AFF1: variants seen among roughly 807,000 people sequenced by gnomAD.
The protein encoded by AFF1 is AF4/FMR2 family member 1.
Under a neutral mutation model 121.7 loss-of-function variants are expected in AFF1, and 48 were observed. That is an observed-to-expected ratio of 0.39 (90% CI 0.31 to 0.50). AFF1 has a LOEUF of 0.50. AFF1 is among the 20% of genes least tolerant of loss of function. The probability of loss-of-function intolerance (pLI) is 0.76; values close to 1 mark genes in which losing one functional copy is unlikely to be tolerated. For missense variants in AFF1, 1,523 were observed against 1,511.7 expected (o/e 1.01, Z -0.12); for synonymous variants, 613 against 563.0 (o/e 1.09, Z -1.26).
intron 8 of AFF1, among the ~76,000 whole-genome samples, chr4:87,104,896 T>C (rs1224786172): frequency 6.6e-6 from 1 of 151,826 alleles, no homozygotes; most frequent in African/African-American, 2.4e-5. Context: ...ACAATAGCAA[T>C]AAGGTTAAAC....
chr4:87,138,041 T>TC lies in AFF1; in HGVS notation c.*2341dup, dbSNP rs549119637. 9.8e-4 allele frequency: 225 copies of TC among 229,660 alleles called. No individual in the cohort carries two copies. Among genetic ancestry groups the TC allele is most frequent in the South Asian group, 6.2e-3 (34 of 5,448 alleles). The allele number at this position is 229,660 out of a possible 1,614,324, so 14.2% of individuals were successfully genotyped here. A position where few individuals can be genotyped will look rare whatever the true frequency, so the allele number is the denominator to read the frequency against. ...TACTCTTTGTGGGTTTTTTTTTTTT[T>TC]CTCTGAACTTGATATAAAGATTTTA... On this transcript the variant is annotated 3_prime_UTR_variant, in exon 21 of 21. Transcript: ENST00000395146.
chr4:87,108,432 G>A, intron 11 of AFF1, 117 bp downstream of exon 11: 3 of 1,137,376 alleles, frequency 2.6e-6, no homozygotes, highest in South Asian at 3.1e-5. Context: ...GTCCCATGGG[G>A]CAATGCTTTC....
At chr4:86,976,944 T>C (rs2149485946) in intron 2 of AFF1, among the ~76,000 whole-genome samples, 1 of 152,330 alleles carries the variant, frequency 6.6e-6, no homozygotes, top group South Asian at 2.1e-4. Flanking sequence ...AGTAACTTAA[T>C]ACTTAGGAAA....
At chr4:87,056,516 G>A (rs1042542639) in intron 4 of AFF1, among the ~76,000 whole-genome samples, 2 of 152,156 alleles carry the variant, frequency 1.3e-5, no homozygotes, top group Non-Finnish European at 2.9e-5. Context: ...TAGAATGTAT[G>A]TTACTTCCAA....
chr4:87,090,298 G>A (rs1405990678), intron 6 of AFF1, among the ~76,000 whole-genome samples: 1 of 152,206 alleles, frequency 6.6e-6, no homozygotes, highest in Non-Finnish European at 1.5e-5. Context: ...AAAGCATTCA[G>A]GATTTTCCAA....
chr4:86,969,577 T>A (rs1380620773), intron 2 of AFF1, among the ~76,000 whole-genome samples: 1 of 145,698 alleles, frequency 6.9e-6, no homozygotes, highest in Non-Finnish European at 1.5e-5. Context: ...AAATAGTTGT[T>A]AAAAAAAAAA....
chr4:87,132,205 G>T, intron 18 of AFF1, 66 bp from the exon 19 acceptor site: 1 of 1,567,000 alleles, frequency 6.4e-7, no homozygotes, highest in Non-Finnish European at 8.6e-7. Flanking sequence ...GGCTATAAAA[G>T]GTTAGATGGC....
intron 2 of AFF1, among the ~76,000 whole-genome samples, chr4:86,993,371 A>G (rs1280809008): frequency 6.6e-6 from 1 of 152,224 alleles, no homozygotes; most frequent in Non-Finnish European, 1.5e-5. Flanking sequence ...TCTCCCACAA[A>G]TGAGGAAAAC....
In AFF1 at chr4:86,988,949, A is replaced by G. The variant is rs144392286; in HGVS notation, c.38+40378A>G. Among the ~76,000 whole-genome samples the G allele has an allele frequency of 8.7e-3, 1,321 of 152,312 alleles. 24 individuals carry two copies. Among genetic ancestry groups the G allele is most frequent in the African/African-American group, 0.031 (1,271 of 41,558 alleles). On this transcript the variant is annotated intron_variant, in intron 2 of 20. Transcript: ENST00000395146. ...ACAAGCAATGGGGAAAGGATTCCCT[A>G]TTTAATAAATGGTTTGGGAAAACTG...
chr4:87,118,648 C>T (rs2149777941), intron 12 of AFF1, among the ~76,000 whole-genome samples: 1 of 152,112 alleles, frequency 6.6e-6, no homozygotes, highest in East Asian at 1.9e-4. Context: ...TGCCACTGTA[C>T]CCAGCTAATT....
intron 4 of AFF1, among the ~76,000 whole-genome samples, chr4:87,071,910 C>G (rs769756971): frequency 8.5e-5 from 13 of 152,100 alleles, no homozygotes; most frequent in Non-Finnish European, 1.3e-4. Context: ...CCTCAAAACA[C>G]TGAAAAGATT....
intron 2 of AFF1, among the ~76,000 whole-genome samples, chr4:86,982,767 G>C (rs1246809709): frequency 6.9e-6 from 1 of 144,958 alleles, no homozygotes; most frequent in Non-Finnish European, 1.5e-5. Context: ...AGAATCGCTT[G>C]AACCCAGGAG....
chr4:87,064,206 T>C (rs1461545303), intron 4 of AFF1, among the ~76,000 whole-genome samples: 1 of 152,228 alleles, frequency 6.6e-6, no homozygotes, highest in African/African-American at 2.4e-5. Context: ...AGTACTGAAC[T>C]GAACACTGAT....
At chr4:86,995,601 C>G (rs1329711702) in intron 2 of AFF1, among the ~76,000 whole-genome samples, 18 of 151,292 alleles carry the variant, frequency 1.2e-4, no homozygotes, top group Admixed American at 3.3e-4. Context: ...GACGGAGTCT[C>G]CTTCACTCAG....
Position 87,114,764 on chromosome 4 carries a change from A to G in AFF1, c.1931A>G (p.Gln644Arg), listed in dbSNP as rs1203594396. Residue 644 changes from glutamine to arginine, a missense_variant, in exon 12 of 21, where the codon CAG becomes CGG. Physicochemically the swap from Gln to Arg is conservative, Grantham distance 43. Coordinates refer to ENST00000395146, the MANE Select transcript of AFF1 (RefSeq NM_001166693.3). ...CTTCTTCCCTATGGCTCCCGAGACC[A>G]GACTTCCAAAGACAAGCCCAAGGTG... ...PGLLPYGSRD[Q>R]TSKDKPKVKT... 1 of 1,613,240 alleles carries G rather than the reference A, an allele frequency of 6.2e-7. No homozygotes were observed. The highest frequency in any genetic ancestry group is 1.3e-5 in the African/African-American group (1 of 74,898).
chr4:86,937,440 G>A (rs962954912), intron 1 of AFF1, among the ~76,000 whole-genome samples: 45 of 152,062 alleles, frequency 3.0e-4, no homozygotes, highest in African/African-American at 1.1e-3. Context: ...TTTCCTCTCC[G>A]GTTTAACTGA....
intron 10 of AFF1, 95 bp from the exon 11 acceptor site, chr4:87,108,064 C>G: frequency 1.4e-6 from 2 of 1,406,382 alleles, no homozygotes; most frequent in Non-Finnish European, 1.9e-6. Context: ...AATACCAAGG[C>G]CCGCCCTTTT....
intron 2 of AFF1, among the ~76,000 whole-genome samples, chr4:87,013,728 TAAAA>T (rs1727031164): frequency 6.7e-6 from 1 of 150,114 alleles, no homozygotes; most frequent in Non-Finnish European, 1.5e-5. Context: ...AAATAAAAAG[TAAAA>T]GGCTATTTTA....
chr4:86,963,781 C>A (rs891153398), intron 2 of AFF1, among the ~76,000 whole-genome samples: 17 of 151,540 alleles, frequency 1.1e-4, no homozygotes, highest in African/African-American at 3.6e-4. Flanking sequence ...AGCTGAAATA[C>A]CACCTTTTCT....
Sources: allele counts gnomAD v4.1 joint callset (sites outside exome capture counted in the v4.1 genomes callset), GRCh38; gene constraint gnomAD v4.1.1; transcripts MANE v1.5; gene names NCBI Gene and HGNC (gene_info 2026-07-23, HGNC 2026-07-21).